TMOD1: variants seen among roughly 807,000 people sequenced by gnomAD.
TMOD1 encodes tropomodulin-1.
TMOD1 carries 17 observed loss-of-function variants against 40.6 expected under a neutral mutation model. That is an observed-to-expected ratio of 0.42 (90% CI 0.29 to 0.63). TMOD1 has a LOEUF of 0.63. Ranked by LOEUF, TMOD1 falls within the 20% of genes least tolerant of loss-of-function variation. The pLI is 0.22. For missense variants in TMOD1, 391 were observed against 447.6 expected, an observed-to-expected ratio of 0.87 and a Z score of 1.14; for synonymous variants, 181 against 175.0, an observed-to-expected ratio of 1.03 and a Z score of -0.27.
chr9:97,501,207 C>A (rs908987355), upstream of TMOD1: 2 of 152,196 alleles, frequency 1.3e-5, no homozygotes, highest in Non-Finnish European at 2.9e-5. Context: ...TTAAAGCTTG[C>A]GGCTCAGAGC....
intron 9 of TMOD1, 72 bp from the exon 10 acceptor site, chr9:97,599,562 T>C: frequency 1.2e-6 from 2 of 1,600,554 alleles, no homozygotes; most frequent in Non-Finnish European, 1.7e-6. Context: ...TTCACAGTGC[T>C]TTCTCAGCAA....
chr9:97,576,983 C>A (rs992287406), intron 8 of TMOD1, among the ~76,000 whole-genome samples: 27 of 152,096 alleles, frequency 1.8e-4, no homozygotes, highest in African/African-American at 6.5e-4. Context: ...GGGAATAAAT[C>A]GGGTGAGGGA....
At chr9:97,519,442 T>C (rs890523992) in intron 1 of TMOD1, among the ~76,000 whole-genome samples, 4 of 152,290 alleles carry the variant, frequency 2.6e-5, no homozygotes, top group Admixed American at 2.0e-4. Context: ...GTGTTTTAAA[T>C]ATATTTACCT....
chr9:97,564,334 C>G (rs574410694), intron 6 of TMOD1, among the ~76,000 whole-genome samples, 166 bp downstream of exon 6: 1 of 152,028 alleles, frequency 6.6e-6, no homozygotes, highest in Non-Finnish European at 1.5e-5. Context: ...CAAATGGGAG[C>G]CTTTAAGAGG....
intron 8 of TMOD1, among the ~76,000 whole-genome samples, chr9:97,576,197 T>G (rs1830936300): frequency 6.6e-6 from 1 of 152,198 alleles, no homozygotes; most frequent in South Asian, 2.1e-4. Context: ...ATCCCAGCAC[T>G]TTGGGAGGCC....
chr9:97,515,753 G>A lies in TMOD1; in HGVS notation c.-48-8388G>A, dbSNP rs193009022. Among the ~76,000 whole-genome samples, 520 of 152,226 alleles carry A rather than the reference G, an allele frequency of 3.4e-3. 2 individuals carry two copies. Among genetic ancestry groups the A allele is most frequent in the Non-Finnish European group, 5.6e-3 (381 of 68,016 alleles). On this transcript the variant is annotated intron_variant, in intron 1 of 9. Transcript: ENST00000259365. Reference sequence around the variant, plus strand: ...ACACAGGGGATCCTTAGGGGAAGCAGGATGGTTTGGAATCAAGACATTGGT... The same window carrying A: ...ACACAGGGGATCCTTAGGGGAAGCAAGATGGTTTGGAATCAAGACATTGGT...
chr9:97,508,427 T>A (rs1829636076), intron 1 of TMOD1, among the ~76,000 whole-genome samples: 2 of 152,138 alleles, frequency 1.3e-5, no homozygotes, highest in African/African-American at 4.8e-5. Context: ...TGACCTCAGG[T>A]GATCCACCCA....
chr9:97,507,662 C>T (rs534634341), intron 1 of TMOD1, among the ~76,000 whole-genome samples: 5 of 152,162 alleles, frequency 3.3e-5, no homozygotes, highest in East Asian at 3.9e-4. Flanking sequence ...TAAGAGCACC[C>T]GATACAGAGA....
intron 1 of TMOD1, among the ~76,000 whole-genome samples, chr9:97,519,753 G>A (rs577828116): frequency 2.6e-5 from 4 of 152,310 alleles, no homozygotes; most frequent in East Asian, 3.9e-4. Context: ...CTGGGAACAC[G>A]AAGACACATA....
At position 97,559,771 on chromosome 9, in the gene TMOD1, T is replaced by TAAAAA. The variant is rs1830589569; in HGVS notation, c.398-2961_398-2960insAAAAA. Among the ~76,000 whole-genome samples, 15 of 63,328 alleles carry TAAAAA rather than the reference T, an allele frequency of 2.4e-4. 1 individual carries two copies. In the East Asian group the frequency reaches 2.8e-3, roughly 12 times the overall value. The allele number at this position is 63,328 out of a possible 152,430, so 41.5% of individuals were successfully genotyped here. ...CAGAGCGAGACTCCGCCTCAAAAATTTAAAAAAAAAAAAAAAAAAAAAAAT... is the reference window on the plus strand; with the variant it reads ...CAGAGCGAGACTCCGCCTCAAAAATTAAAAATAAAAAAAAAAAAAAAAAAAAAAAT... On this transcript the variant is annotated intron_variant, in intron 4 of 9. Coordinates refer to ENST00000259365, the MANE Select transcript of TMOD1 (RefSeq NM_003275.4).
At chr9:97,533,643 C>A (rs1327917426) in intron 2 of TMOD1, among the ~76,000 whole-genome samples, 1 of 152,222 alleles carries the variant, frequency 6.6e-6, no homozygotes, top group Non-Finnish European at 1.5e-5. Context: ...CAAGAAACTG[C>A]TTCCATATGG....
chr9:97,549,741 T>C (rs551986123), intron 3 of TMOD1, among the ~76,000 whole-genome samples: 1 of 152,272 alleles, frequency 6.6e-6, no homozygotes, highest in Admixed American at 6.5e-5. Context: ...GGAATATCTT[T>C]CTGGACATTT....
chr9:97,581,427 C>A (rs913056999), intron 8 of TMOD1, among the ~76,000 whole-genome samples: 1 of 151,848 alleles, frequency 6.6e-6, no homozygotes, highest in African/African-American at 2.4e-5. Context: ...CAAGTCTTTG[C>A]GATTGTGAAT....
chr9:97,519,731 C>A (rs1320172110), intron 1 of TMOD1, among the ~76,000 whole-genome samples: 1 of 152,198 alleles, frequency 6.6e-6, no homozygotes, highest in Non-Finnish European at 1.5e-5. Context: ...GGGCCAGGCA[C>A]AGGGCAAGGC....
intron 8 of TMOD1, among the ~76,000 whole-genome samples, chr9:97,574,472 C>T (rs556689569): frequency 6.6e-4 from 101 of 152,352 alleles, no homozygotes; most frequent in African/African-American, 2.4e-3. Context: ...GCCGTGGTCT[C>T]CTGAGCGGCC....
intron 2 of TMOD1, among the ~76,000 whole-genome samples, chr9:97,529,290 A>G (rs1215255397): frequency 6.6e-6 from 1 of 152,062 alleles, no homozygotes; most frequent in Non-Finnish European, 1.5e-5. Context: ...TTGGATCTCA[A>G]TTTTCCTGTC....
At position 97,557,034 on chromosome 9, in the gene TMOD1, C is replaced by A. The variant is rs887234089; in HGVS notation, c.397+3634C>A. 3.3e-5 allele frequency among the ~76,000 whole-genome samples: 5 copies of A among 152,194 alleles called. No homozygotes were observed. The highest frequency in any genetic ancestry group is 7.3e-5 in the Non-Finnish European group (5 of 68,032). ...CATCACTCATGTATTCACCTAACTG[C>A]TCACTAAGCCAGTGCACATTATTGA... On this transcript the variant is annotated intron_variant, in intron 4 of 9. Transcript: ENST00000259365. The surrounding 1 kb of genome is among the most constrained non-coding windows in gnomAD (Gnocchi z 4.4).
At chr9:97,507,774 G>C (rs536839056) in intron 1 of TMOD1, among the ~76,000 whole-genome samples, 4 of 152,144 alleles carry the variant, frequency 2.6e-5, no homozygotes, top group Non-Finnish European at 4.4e-5. Context: ...AGGGGAAAGG[G>C]GGGGACAAGA....
chr9:97,544,266 G>C lies in TMOD1; in HGVS notation c.121-1919G>C, dbSNP rs546427320. ...ATGATGCATTAGTTAGGCCAGATGTGGTGGTTCATGCCTGTAATCCCAGGG... is the reference window on the plus strand; with the variant it reads ...ATGATGCATTAGTTAGGCCAGATGTCGTGGTTCATGCCTGTAATCCCAGGG... On this transcript the variant is annotated intron_variant, in intron 2 of 9. Transcript: ENST00000259365. Among the ~76,000 whole-genome samples, 3 of 152,286 alleles carry C rather than the reference G, an allele frequency of 2.0e-5. No individual in the cohort carries two copies. The East Asian group carries it at 5.8e-4, about 29-fold the overall frequency.
Sources: allele counts gnomAD v4.1 joint callset (sites outside exome capture counted in the v4.1 genomes callset), GRCh38; gene constraint gnomAD v4.1.1; non-coding constraint Gnocchi (gnomAD v3.1); transcripts MANE v1.5; gene names NCBI Gene and HGNC (gene_info 2026-07-23, HGNC 2026-07-21).